Variants in USH2A observed in about 807,000 individuals in gnomAD.
USH2A encodes the protein Usher syndrome 2A (autosomal recessive, mild).
In USH2A, 443 loss-of-function variants were observed where a neutral mutation model predicts 538.9. The ratio of observed to expected loss-of-function variants is 0.82; its 90% confidence interval spans 0.76 to 0.89. USH2A has a LOEUF of 0.89. Ranked by LOEUF, USH2A falls within the 40% of genes least tolerant of loss-of-function variation. The pLI, the probability that USH2A is intolerant of heterozygous loss-of-function variation, is 0.00. For synonymous variants in USH2A, 2,413 were observed against 2,273.5 expected, an observed-to-expected ratio of 1.06 and a Z score of -1.75; for missense variants, 6,633 against 6,324.8, an observed-to-expected ratio of 1.05 and a Z score of -1.65.
chr1:216,084,682 T>G lies in USH2A; in HGVS notation c.5167+16A>C, dbSNP rs1325128574. On this transcript the variant is annotated intron_variant, in intron 25 of 71. Transcript: ENST00000307340. ...TAGATTTTAAGTGAACACTCATGTCTTTTTTAGAGCATTACCTGCTCCTAG... is the reference window on the plus strand; with the variant it reads ...TAGATTTTAAGTGAACACTCATGTCGTTTTTAGAGCATTACCTGCTCCTAG... The G allele has an allele frequency of 6.2e-7, 1 of 1,611,918 alleles. No individual in the cohort carries two copies. The highest frequency in any genetic ancestry group is 2.2e-5 in the East Asian group (1 of 44,838).
intron 37 of USH2A, among the ~76,000 whole-genome samples, chr1:215,936,785 T>C (rs549297120): frequency 1.6e-4 from 24 of 152,156 alleles, no homozygotes; most frequent in Middle Eastern, 3.4e-3. Context: ...GGTTTTTCAA[T>C]GAATAAAGCA....
At chr1:216,140,038 G>A (rs2033570769) in intron 21 of USH2A, among the ~76,000 whole-genome samples, 1 of 152,140 alleles carries the variant, frequency 6.6e-6, no homozygotes, top group African/African-American at 2.4e-5. Context: ...GACAAGGACT[G>A]CTCTAAATAT....
At chr1:216,050,029 C>T (rs1259523395) in intron 30 of USH2A, among the ~76,000 whole-genome samples, 1 of 152,216 alleles carries the variant, frequency 6.6e-6, no homozygotes, top group East Asian at 1.9e-4. Context: ...CGTGTCAGAA[C>T]CTCCTGCTTT....
At chr1:215,835,308 AT>A (rs986817666) in intron 47 of USH2A, among the ~76,000 whole-genome samples, 7 of 150,604 alleles carry the variant, frequency 4.6e-5, no homozygotes, top group African/African-American at 1.2e-4. Flanking sequence ...ATCTGGAGGT[AT>A]TTTTTTTGAG....
chr1:216,048,271 G>A (rs1052088537), intron 31 of USH2A, among the ~76,000 whole-genome samples: 2 of 152,100 alleles, frequency 1.3e-5, no homozygotes, highest in African/African-American at 2.4e-5. Flanking sequence ...TAATGACAAG[G>A]CTCTTGCATG....
intron 35 of USH2A, 32 bp downstream of exon 35, chr1:215,992,988 T>G: frequency 6.2e-7 from 1 of 1,613,936 alleles, no homozygotes; most frequent in Non-Finnish European, 8.5e-7. Context: ...GCTAATCATC[T>G]TTTTAACTTG....
At chr1:216,082,664 C>G (rs1180489153) in intron 26 of USH2A, among the ~76,000 whole-genome samples, 3 of 151,826 alleles carry the variant, frequency 2.0e-5, no homozygotes, top group Non-Finnish European at 2.9e-5. Flanking sequence ...TGATTAAAGA[C>G]AAGGAAAAGC....
At chr1:216,270,153 G>T (rs921908765) in intron 11 of USH2A, among the ~76,000 whole-genome samples, 4 of 152,008 alleles carry the variant, frequency 2.6e-5, no homozygotes, top group African/African-American at 9.7e-5. Flanking sequence ...ATAACTATAT[G>T]TCTTTCTATG....
intron 48 of USH2A, among the ~76,000 whole-genome samples, 178 bp downstream of exon 48, chr1:215,816,819 T>A (rs1391931243): frequency 1.3e-5 from 2 of 152,098 alleles, no homozygotes; most frequent in East Asian, 3.9e-4. Flanking sequence ...ATGGGAAGGC[T>A]AAAGTGCTCA....
At chr1:215,995,731 T>C (rs1668119832) in intron 34 of USH2A, among the ~76,000 whole-genome samples, 1 of 152,206 alleles carries the variant, frequency 6.6e-6, no homozygotes, top group South Asian at 2.1e-4. Flanking sequence ...CCATCGCCTA[T>C]AGCTTTTCTC....
intron 32 of USH2A, among the ~76,000 whole-genome samples, chr1:216,001,869 T>G (rs1668271915): frequency 6.6e-6 from 1 of 152,196 alleles, no homozygotes; most frequent in South Asian, 2.1e-4. Context: ...TAAATATGGT[T>G]ACCTTAGAAC....
chr1:216,009,777 C>T (rs957861480), intron 32 of USH2A, among the ~76,000 whole-genome samples: 16 of 152,306 alleles, frequency 1.1e-4, no homozygotes, highest in Admixed American at 3.3e-4. Context: ...TCCTTACACC[C>T]AGTCCGGCTT....
At chr1:216,202,719 T>A (rs1435223633) in intron 16 of USH2A, among the ~76,000 whole-genome samples, 3 of 152,204 alleles carry the variant, frequency 2.0e-5, no homozygotes, top group Non-Finnish European at 4.4e-5. Context: ...GATTGCTGAA[T>A]ATACCTTATT....
intron 20 of USH2A, among the ~76,000 whole-genome samples, chr1:216,181,599 T>C (rs2034495488): frequency 6.6e-6 from 1 of 152,078 alleles, no homozygotes; most frequent in Non-Finnish European, 1.5e-5. Flanking sequence ...ATCCTACACA[T>C]GAAGAGAGAA....
At position 216,128,788 on chromosome 1, in the gene USH2A, C is replaced by G. The variant is rs539818006; in HGVS notation, c.4628-31575G>C. ...ACTCTTCTAGTTATTTTCAAATATA[C>G]AATAAATTATTGTTAATTATAGTCA... On this transcript the variant is annotated intron_variant, in intron 21 of 71. Coordinates refer to ENST00000307340, the MANE Select transcript of USH2A (RefSeq NM_206933.4). 3.9e-5 allele frequency among the ~76,000 whole-genome samples: 6 copies of G among 152,056 alleles called. No individual in the cohort carries two copies. In the East Asian group the frequency reaches 1.2e-3, roughly 29 times the overall value.
intron 61 of USH2A, 96 bp from the exon 62 acceptor site, chr1:215,680,472 G>A (rs1035047522): frequency 2.5e-6 from 3 of 1,211,926 alleles, no homozygotes; most frequent in Admixed American, 1.7e-5. Flanking sequence ...GCCAAAGCTT[G>A]TAGGCAACAG....
chr1:216,113,633 T>G (rs950037511), intron 21 of USH2A, among the ~76,000 whole-genome samples: 103 of 152,224 alleles, frequency 6.8e-4, no homozygotes, highest in African/African-American at 2.4e-3. Flanking sequence ...TCTGTAAGCG[T>G]TTTTTCCACA....
chr1:216,100,970 A>C (rs539019897), intron 21 of USH2A, among the ~76,000 whole-genome samples: 1 of 152,312 alleles, frequency 6.6e-6, no homozygotes, highest in Non-Finnish European at 1.5e-5. Context: ...TTAAGAAGGG[A>C]AGCTATAGTA....
rs1383656753 is a variant in USH2A, at chr1:215,675,474, T to C, written c.12437A>G (p.Gln4146Arg). The stretch of plus-strand genomic sequence containing the variant: ...AGGGGCTTCATCTGTCCACAGAGGC[T>C]GAGGCGCCGAGTGTGCACAACCTGC... ...TRAGCAHSAP[Q>R]PLWTDEAPPD... The change falls in exon 63 of 72, where the codon CAG becomes CGG. Residue 4146 changes from glutamine (Q) to arginine (R), a missense_variant. Physicochemically the swap from Gln to Arg is conservative, Grantham distance 43. Transcript: ENST00000307340. 6.2e-7 allele frequency: 1 copy of C among 1,614,062 alleles called. No homozygotes were observed. Among genetic ancestry groups the C allele is most frequent in the South Asian group, 1.1e-5 (1 of 91,080 alleles).
Sources: allele counts gnomAD v4.1 joint callset (sites outside exome capture counted in the v4.1 genomes callset), GRCh38; gene constraint gnomAD v4.1.1; transcripts MANE v1.5; gene names NCBI Gene and HGNC (gene_info 2026-07-23, HGNC 2026-07-21).